The following ZSWIM6 variants were observed in gnomAD, a reference collection of about 807,000 sequenced individuals.
ZSWIM6 encodes zinc finger SWIM-type containing 6.
In ZSWIM6, 9 loss-of-function variants were observed where a neutral mutation model predicts 113.2. That is an observed-to-expected ratio of 0.08 (90% CI 0.05 to 0.14). ZSWIM6 has a LOEUF of 0.14. Ranked by LOEUF, ZSWIM6 falls within the 10% of genes least tolerant of loss-of-function variation. The pLI, the probability that ZSWIM6 is intolerant of heterozygous loss-of-function variation, is 1.00. For synonymous variants in ZSWIM6, 611 were observed against 606.5 expected (o/e 1.01, Z -0.11); for missense variants, 1,162 against 1,552.2 (o/e 0.75, Z 4.22).
chr5:61,417,291 A>G (rs1428812428), intron 1 of ZSWIM6, among the ~76,000 whole-genome samples: 1 of 152,224 alleles, frequency 6.6e-6, no homozygotes, highest in Non-Finnish European at 1.5e-5. Context: ...TCCTGCCTCA[A>G]TATATATTAT....
At chr5:61,523,897 A>G (rs1749207202) in intron 5 of ZSWIM6, among the ~76,000 whole-genome samples, 1 of 152,238 alleles carries the variant, frequency 6.6e-6, no homozygotes, top group African/African-American at 2.4e-5. Flanking sequence ...AGTCACATAT[A>G]AACATGTGAA....
chr5:61,349,950 T>C (rs917668649), intron 1 of ZSWIM6, among the ~76,000 whole-genome samples: 7 of 152,308 alleles, frequency 4.6e-5, no homozygotes, highest in African/African-American at 1.7e-4. Context: ...ATCTTACACA[T>C]TGTGAAATGA....
chr5:61,399,052 A>G (rs1745896336), intron 1 of ZSWIM6, among the ~76,000 whole-genome samples: 1 of 148,118 alleles, frequency 6.8e-6, no homozygotes, highest in African/African-American at 2.5e-5. Flanking sequence ...CCTCCCAAGT[A>G]GCTTGGACTA....
intron 1 of ZSWIM6, among the ~76,000 whole-genome samples, chr5:61,352,885 G>A (rs1425219337): frequency 6.6e-6 from 1 of 152,150 alleles, no homozygotes. Context: ...CACATGCATA[G>A]GTCAGTTCTC....
At chr5:61,518,625 T>C (rs1170101658) in intron 4 of ZSWIM6, among the ~76,000 whole-genome samples, 1 of 152,222 alleles carries the variant, frequency 6.6e-6, no homozygotes, top group Non-Finnish European at 1.5e-5. Flanking sequence ...TGCCCACTTT[T>C]TGATGGGGTT....
At chr5:61,454,809 C>G (rs1302370150) in intron 1 of ZSWIM6, among the ~76,000 whole-genome samples, 3 of 151,936 alleles carry the variant, frequency 2.0e-5, no homozygotes. Flanking sequence ...GTCTCAAACT[C>G]CTGACCTGAA....
intron 1 of ZSWIM6, among the ~76,000 whole-genome samples, chr5:61,406,427 G>T (rs957185729): frequency 1.3e-5 from 2 of 152,038 alleles, no homozygotes; most frequent in African/African-American, 4.8e-5. Flanking sequence ...GTAAAAATTA[G>T]TTGAAAGGAC....
chr5:61,375,017 T>G, intron 1 of ZSWIM6: 1 of 1,111,546 alleles, frequency 9.0e-7, no homozygotes, highest in Admixed American at 1.9e-5. Context: ...AAAAGAAGAG[T>G]AATGAGAGGT....
chr5:61,530,821 A>G (rs1053989355), intron 8 of ZSWIM6, among the ~76,000 whole-genome samples: 4 of 152,162 alleles, frequency 2.6e-5, no homozygotes, highest in African/African-American at 7.2e-5. Context: ...TTGCCCCTTC[A>G]TAATTTGCCC....
intron 1 of ZSWIM6, among the ~76,000 whole-genome samples, chr5:61,357,677 G>A (rs941905883): frequency 1.3e-5 from 2 of 151,746 alleles, no homozygotes; most frequent in Non-Finnish European, 2.9e-5. Context: ...GGCTCATGTA[G>A]TAATTACAGT....
chr5:61,486,792 G>A (rs994215325), intron 2 of ZSWIM6, among the ~76,000 whole-genome samples: 7 of 151,788 alleles, frequency 4.6e-5, no homozygotes, highest in African/African-American at 1.7e-4. Flanking sequence ...GGGATTATTT[G>A]TGGGGTTTTT....
At chr5:61,479,915 G>A (rs918436457) in intron 2 of ZSWIM6, among the ~76,000 whole-genome samples, 1 of 129,440 alleles carries the variant, frequency 7.7e-6, no homozygotes, top group African/African-American at 2.8e-5. Context: ...TTGTGAACCA[G>A]CTTTTTTTTT....
chr5:61,417,830 T>C, intron 1 of ZSWIM6, among the ~76,000 whole-genome samples: 1 of 152,360 alleles, frequency 6.6e-6, no homozygotes, highest in East Asian at 1.9e-4. Context: ...ATTGTACATA[T>C]CACAGTTTTG....
chr5:61,480,791 T>C (rs1005321232), intron 2 of ZSWIM6, among the ~76,000 whole-genome samples: 1 of 152,184 alleles, frequency 6.6e-6, no homozygotes, highest in Non-Finnish European at 1.5e-5. Context: ...TGTCTTGCCT[T>C]TTCCCTCTCA....
intron 1 of ZSWIM6, among the ~76,000 whole-genome samples, chr5:61,336,986 A>G (rs955856335): frequency 6.6e-6 from 1 of 152,046 alleles, no homozygotes; most frequent in East Asian, 1.9e-4. Flanking sequence ...TCTTACATAA[A>G]GAGATGCAAA....
intron 5 of ZSWIM6, among the ~76,000 whole-genome samples, chr5:61,522,653 T>C (rs2112263448): frequency 6.6e-6 from 1 of 152,374 alleles, no homozygotes; most frequent in South Asian, 2.1e-4. Context: ...AAGTCTGTCA[T>C]ATCTTTATTG....
intron 2 of ZSWIM6, among the ~76,000 whole-genome samples, chr5:61,478,372 T>C (rs1288544926): frequency 6.6e-6 from 1 of 152,200 alleles, no homozygotes; most frequent in Non-Finnish European, 1.5e-5. Context: ...AGCACCCTTA[T>C]TCTCACAAGG....
At chr5:61,377,174 T>A (rs1745389472) in intron 1 of ZSWIM6, among the ~76,000 whole-genome samples, 1 of 152,126 alleles carries the variant, frequency 6.6e-6, no homozygotes, top group Non-Finnish European at 1.5e-5. Flanking sequence ...AAAGTAGCAT[T>A]TTAAATCAGT....
intron 4 of ZSWIM6, among the ~76,000 whole-genome samples, chr5:61,516,593 CT>C (rs1748950507): frequency 6.7e-6 from 1 of 149,418 alleles, no homozygotes; most frequent in African/African-American, 2.4e-5. Flanking sequence ...TTTACTCTCC[CT>C]TTTTTATGTT....
Sources: gnomAD v4.1 joint callset for allele counts (sites outside exome capture counted in the v4.1 genomes callset) on GRCh38, gnomAD v4.1.1 for gene constraint, MANE v1.5 for transcripts, NCBI Gene and HGNC (gene_info 2026-07-23, HGNC 2026-07-21) for gene names.